GRAMD2A: variants seen among roughly 807,000 people sequenced by gnomAD.
GRAMD2A encodes the protein GRAM domain-containing protein 2A.
A neutral mutation model predicts 51.1 loss-of-function variants in GRAMD2A; 37 were observed. The observed-to-expected ratio is 0.72, with a 90% CI of 0.56 to 0.95. GRAMD2A has a LOEUF of 0.95. Ranked by LOEUF, GRAMD2A falls within the 40% of genes least tolerant of loss-of-function variation. The pLI is 0.00. For missense variants in GRAMD2A, 414 were observed against 426.9 expected, an observed-to-expected ratio of 0.97 and a Z score of 0.27; for synonymous variants, 136 against 157.1, an observed-to-expected ratio of 0.87 and a Z score of 1.01.
At chr15:72,191,488 C>G (rs2081767531) in intron 1 of GRAMD2A, among the ~76,000 whole-genome samples, 1 of 152,068 alleles carries the variant, frequency 6.6e-6, no homozygotes, top group Admixed American at 6.6e-5. Flanking sequence ...CAGGCAGGAC[C>G]CACCGTGCCC....
rs1458483168 is a variant in GRAMD2A, at chr15:72,166,827, C to G, written c.472-124G>C. ...ATCAGGCCATGAGAGCCAACAGAAGCTCTGCCTAGGAACTTCTCTTCCAGC... is the reference window on the plus strand; with the variant it reads ...ATCAGGCCATGAGAGCCAACAGAAGGTCTGCCTAGGAACTTCTCTTCCAGC... On this transcript the variant is annotated intron_variant, in intron 6 of 11. Coordinates refer to ENST00000309731, the MANE Select transcript of GRAMD2A (RefSeq NM_001012642.3). The surrounding 1 kb of genome is among the most constrained non-coding windows in gnomAD (Gnocchi z 4.1). 5 of 969,372 alleles carry G rather than the reference C, an allele frequency of 5.2e-6. No homozygotes were observed. The East Asian group carries it at 1.2e-4, about 24-fold the overall frequency. The allele number at this position is 969,372 out of a possible 1,614,324, so 60.0% of individuals were successfully genotyped here. A position where few individuals can be genotyped will look rare whatever the true frequency, so the allele number is the denominator to read the frequency against.
intron 1 of GRAMD2A, among the ~76,000 whole-genome samples, chr15:72,196,683 G>A (rs1188086681): frequency 6.6e-6 from 1 of 152,148 alleles, no homozygotes; most frequent in East Asian, 1.9e-4. Context: ...ATCAGGTTGC[G>A]AGGGTACCCT....
intron 1 of GRAMD2A, among the ~76,000 whole-genome samples, chr15:72,177,417 T>C (rs1053103281): frequency 1.4e-4 from 22 of 152,208 alleles, no homozygotes; most frequent in African/African-American, 5.3e-4. Context: ...CTCCTGGCCA[T>C]GGATAGCCAT....
intron 1 of GRAMD2A, among the ~76,000 whole-genome samples, chr15:72,193,417 T>C (rs1335591301): frequency 1.3e-5 from 2 of 151,924 alleles, no homozygotes; most frequent in African/African-American, 4.8e-5. Context: ...AGGGTTTCAC[T>C]ATGTTGGCCA....
chr15:72,197,251 C>T (rs1364551137), intron 1 of GRAMD2A, among the ~76,000 whole-genome samples: 1 of 152,202 alleles, frequency 6.6e-6, no homozygotes, highest in Non-Finnish European at 1.5e-5. Context: ...CGGGCCGCTA[C>T]AATACGGATT....
intron 1 of GRAMD2A, among the ~76,000 whole-genome samples, chr15:72,171,091 C>A (rs1414165826): frequency 6.6e-6 from 1 of 152,196 alleles, no homozygotes; most frequent in Non-Finnish European, 1.5e-5. Context: ...CAGCCAGTGA[C>A]CTCACCCACA....
chr15:72,180,612 C>T (rs956365121), intron 1 of GRAMD2A, among the ~76,000 whole-genome samples: 2 of 152,232 alleles, frequency 1.3e-5, no homozygotes, highest in African/African-American at 4.8e-5. Flanking sequence ...GGATACCCAC[C>T]TCAGAATTAC....
Position 72,163,270 on chromosome 15 carries a change from C to T in GRAMD2A, c.952G>A (p.Val318Met). 1 of 1,612,950 alleles carries T rather than the reference C, an allele frequency of 6.2e-7. No homozygotes were observed. Among genetic ancestry groups the T allele is most frequent in the Admixed American group, 1.7e-5 (1 of 60,024 alleles). The change falls in exon 10 of 12, where the codon GTG becomes ATG. Residue 318 changes from valine to methionine, a missense_variant. Val to Met is a conservative substitution (Grantham distance 21). Coordinates refer to ENST00000309731, the MANE Select transcript of GRAMD2A (RefSeq NM_001012642.3). The part of the protein sequence containing the change: ...WDYRLLKVFF[V>M]LICFLVMSSS... The stretch of plus-strand genomic sequence containing the variant: ...CTCCCCAGTATAGTCACTTACAGCA[C>T]AAAGAAGACCTTGAGGAGCCGGTAA...
intron 1 of GRAMD2A, among the ~76,000 whole-genome samples, chr15:72,182,500 A>G (rs1297348526): frequency 6.6e-6 from 1 of 152,214 alleles, no homozygotes; most frequent in Admixed American, 6.5e-5. Flanking sequence ...AACAGAAGAA[A>G]AAAACAGATA....
chr15:72,172,652 A>T (rs1240479725), intron 1 of GRAMD2A, among the ~76,000 whole-genome samples: 1 of 133,968 alleles, frequency 7.5e-6, no homozygotes, highest in African/African-American at 2.8e-5. Flanking sequence ...CTGGTCTTGA[A>T]CTCCTGATCT....
rs1596687149 is a variant in GRAMD2A, at chr15:72,172,306, A to AGGTTTTTT, written c.42-2368_42-2367insAAAAAACC. Among the ~76,000 whole-genome samples the AGGTTTTTT allele has an allele frequency of 2.0e-5, 3 of 151,290 alleles. No homozygotes were observed. The East Asian group carries it at 5.8e-4, about 29-fold the overall frequency. ...GCTAAGGTTTTCATTTTTTTTGTAG[A>AGGTTTTTT]CAGCGGGGGTCTCACTGTGTTGTCC... is the stretch of plus-strand genomic sequence containing the variant. On this transcript the variant is annotated intron_variant, in intron 1 of 11. Coordinates refer to ENST00000309731, the MANE Select transcript of GRAMD2A (RefSeq NM_001012642.3).
chr15:72,168,438 C>T (rs987871180), intron 4 of GRAMD2A, 53 bp downstream of exon 4: 6 of 1,369,626 alleles, frequency 4.4e-6, no homozygotes, highest in African/African-American at 4.3e-5. Flanking sequence ...AGCAGAGGCC[C>T]CTGGCCCCAG....
chr15:72,191,265 TCTC>T (rs899502929), intron 1 of GRAMD2A, among the ~76,000 whole-genome samples: 1 of 151,998 alleles, frequency 6.6e-6, no homozygotes, highest in African/African-American at 2.4e-5. Context: ...AATGGTGTGA[TCTC>T]AGCTCAATGC....
rs372964132 is a variant in GRAMD2A at position 72,163,412 on chromosome 15, C to G, written c.810G>C (p.Trp270Cys). 1 of 1,614,086 alleles carries G rather than the reference C, an allele frequency of 6.2e-7. No individual in the cohort carries two copies. Among genetic ancestry groups the G allele is most frequent in the Non-Finnish European group, 8.5e-7 (1 of 1,180,040 alleles). Reference protein sequence around the residue: ...GGRWAWPMPGWGPACPKKMPN... With the variant: ...GGRWAWPMPGCGPACPKKMPN... ...GCATCTTCTTAGGGCAGGCAGGACC[C>G]CAGCCTGGCATGGGCCATGCCCACC... The change falls in exon 10 of 12, where the codon TGG becomes TGC. Residue 270 changes from tryptophan (W) to cysteine (C), a missense_variant. Trp to Cys is a radical substitution (Grantham distance 215, BLOSUM62 -2). Coordinates refer to ENST00000309731, the MANE Select transcript of GRAMD2A (RefSeq NM_001012642.3).
At chr15:72,192,831 A>T (rs2081777799) in intron 1 of GRAMD2A, among the ~76,000 whole-genome samples, 1 of 152,224 alleles carries the variant, frequency 6.6e-6, no homozygotes, top group Non-Finnish European at 1.5e-5. Context: ...GGCTTTAAAG[A>T]TTGGTTCAGT....
chr15:72,178,006 G>A (rs566026892), intron 1 of GRAMD2A, among the ~76,000 whole-genome samples: 36 of 152,262 alleles, frequency 2.4e-4, no homozygotes, highest in African/African-American at 8.4e-4. Context: ...GGGATTATAG[G>A]CGTGAGCCAC....
intron 1 of GRAMD2A, among the ~76,000 whole-genome samples, chr15:72,179,946 C>G (rs552988552): frequency 1.3e-5 from 2 of 152,296 alleles, no homozygotes; most frequent in South Asian, 4.2e-4. Flanking sequence ...CGGCAAGGCC[C>G]TCTCTACACC....
At chr15:72,183,380 C>T (rs994022189) in intron 1 of GRAMD2A, among the ~76,000 whole-genome samples, 2 of 150,170 alleles carry the variant, frequency 1.3e-5, no homozygotes, top group Non-Finnish European at 3.0e-5. Flanking sequence ...CCAGACATGG[C>T]GATATGTGCC....
chr15:72,166,346 T>TA lies in GRAMD2A; in HGVS notation c.543+285dup, dbSNP rs1214209964. Among the ~76,000 whole-genome samples, 6 of 152,184 alleles carry TA rather than the reference T, an allele frequency of 3.9e-5. No homozygotes were observed. Among genetic ancestry groups the TA allele is most frequent in the East Asian group, 3.8e-4 (2 of 5,198 alleles). On this transcript the variant is annotated intron_variant, in intron 7 of 11. Transcript: ENST00000309731. The surrounding 1 kb of genome is among the most constrained non-coding windows in gnomAD (Gnocchi z 4.1). ...ACCTCTATTAAACACATTTTTGACT[T>TA]ACGATATTTTCAACTTTTGATGGGT...
Sources: gnomAD v4.1 joint callset for allele counts (sites outside exome capture counted in the v4.1 genomes callset) on GRCh38, gnomAD v4.1.1 for gene constraint, Gnocchi (gnomAD v3.1) non-coding constraint, MANE v1.5 for transcripts, NCBI Gene and HGNC (gene_info 2026-07-23, HGNC 2026-07-21) for gene names.